Variants in LRRC19 observed in about 807,000 individuals in gnomAD.
LRRC19 encodes the protein leucine-rich repeat-containing protein 19.
LRRC19 carries 33 observed loss-of-function variants against 33.3 expected under a neutral mutation model. The ratio of observed to expected loss-of-function variants is 0.99; its 90% CI spans 0.75 to 1.33. The LOEUF (loss-of-function observed/expected upper bound fraction) is 1.33, where lower values mean the gene tolerates loss of function less well. Among genes scored for constraint, LRRC19 ranks in the 40% most tolerant of loss-of-function variants. LRRC19 has a pLI of 0.00. For synonymous variants in LRRC19, 184 were observed against 152.3 expected (o/e 1.21, Z -1.53); for missense variants, 463 against 417.3 (o/e 1.11, Z -0.95).
At chr9:26,997,027 A>G (rs989900285) in intron 3 of LRRC19, among the ~76,000 whole-genome samples, 3 of 152,028 alleles carry the variant, frequency 2.0e-5, no homozygotes, top group Admixed American at 1.3e-4. Context: ...CCTGACAAAC[A>G]TGGAGGAAGC....
At chr9:26,997,292 T>C in intron 3 of LRRC19, among the ~76,000 whole-genome samples, 1 of 152,082 alleles carries the variant, frequency 6.6e-6, no homozygotes, top group Non-Finnish European at 1.5e-5. Flanking sequence ...TTTTTAGTGT[T>C]TCTTCCTGTT....
Position 26,998,206 on chromosome 9 carries a change from G to T in LRRC19, c.117C>A (p.Thr39=). 1 of 1,502,724 alleles carries T rather than the reference G, an allele frequency of 6.7e-7. No individual in the cohort carries two copies. Among genetic ancestry groups the T allele is most frequent in the Non-Finnish European group, 8.9e-7 (1 of 1,119,094 alleles). The allele number at this position is 1,502,724 out of a possible 1,614,324, so 93.1% of individuals were successfully genotyped here. The change falls in exon 3 of 5, where the codon ACC becomes ACA. Residue 39 remains threonine, a synonymous_variant. Coordinates refer to ENST00000380055, the MANE Select transcript of LRRC19 (RefSeq NM_022901.3). ...CTTTCTTGATATCTGCTGGAATCAA[G>T]GTATAATTTTTTTCAGTAAAATTAC... is the stretch of plus-strand genomic sequence containing the variant. The part of the protein sequence containing the change: ...VQCNFTEKNY[T]LIPADIKKDV...
At chr9:26,997,296 T>G (rs1828209468) in intron 3 of LRRC19, among the ~76,000 whole-genome samples, 1 of 151,870 alleles carries the variant, frequency 6.6e-6, no homozygotes, top group Non-Finnish European at 1.5e-5. Context: ...TAGTGTTTCT[T>G]CCTGTTTTGC....
At chr9:27,002,137 C>CT (rs1054114518) in intron 1 of LRRC19, among the ~76,000 whole-genome samples, 1 of 152,086 alleles carries the variant, frequency 6.6e-6, no homozygotes. Context: ...ACAACCAGAT[C>CT]TTTTTTTCTT....
chr9:26,997,671 C>T, intron 3 of LRRC19, 57 bp downstream of exon 3: 1 of 1,510,330 alleles, frequency 6.6e-7, no homozygotes, highest in South Asian at 1.4e-5. Flanking sequence ...AGAGATTTTT[C>T]TGTGGTGGAA....
Position 27,005,355 on chromosome 9 carries a change from C to G in LRRC19, c.-10+237G>C, listed in dbSNP as rs796641024. On this transcript the variant is annotated intron_variant, in intron 1 of 4. Transcript: ENST00000380055. Reference sequence around the variant, plus strand: ...TGATTGGCTAGATGAAACCATTTCCCCCCCCGCCCCCCGCAAAACAATTAC... The same window carrying G: ...TGATTGGCTAGATGAAACCATTTCCGCCCCCGCCCCCCGCAAAACAATTAC... Among the ~76,000 whole-genome samples the G allele has an allele frequency of 8.5e-4, 35 of 40,968 alleles. 4 individuals carry two copies. The East Asian group carries it at 0.047, about 55-fold the overall frequency. The allele number at this position is 40,968 out of a possible 152,430, so 26.9% of individuals were successfully genotyped here.
chr9:27,005,436 T>C (rs1828725812), intron 1 of LRRC19, among the ~76,000 whole-genome samples, 156 bp downstream of exon 1: 1 of 141,478 alleles, frequency 7.1e-6, no homozygotes, highest in Non-Finnish European at 1.5e-5. Flanking sequence ...GTCTCAGGTA[T>C]ATAGTATTTT....
chr9:26,999,761 C>G, intron 1 of LRRC19, 58 bp from the exon 2 acceptor site: 2 of 638,296 alleles, frequency 3.1e-6, no homozygotes, highest in Non-Finnish European at 4.8e-6. Flanking sequence ...TCTTTTGAAT[C>G]TGTTTATTCT....
intron 3 of LRRC19, among the ~76,000 whole-genome samples, chr9:26,997,191 A>G (rs1011143934): frequency 1.3e-5 from 2 of 150,896 alleles, no homozygotes; most frequent in African/African-American, 2.4e-5. Flanking sequence ...CAGCCTGGGT[A>G]ATAATAACAA....
chr9:27,002,423 G>A (rs1828548584), intron 1 of LRRC19, among the ~76,000 whole-genome samples: 1 of 152,212 alleles, frequency 6.6e-6, no homozygotes, highest in African/African-American at 2.4e-5. Flanking sequence ...CAGTTTTATA[G>A]TTTGAGGTCT....
In LRRC19 at chr9:26,997,978, A is replaced by G. The variant is rs758721283; in HGVS notation, c.345T>C (p.Gly115=). 15 of 1,613,936 alleles carry G rather than the reference A, an allele frequency of 9.3e-6. No homozygotes were observed. The highest frequency in any genetic ancestry group is 1.3e-5 in the Non-Finnish European group (15 of 1,179,948). ...TTAGTTTATTTAAGCCTAAAAATGC[A>G]CCCTGTTGAATTACATAGATGGAGT... ...CRNSIYVIQQ[G]AFLGLNKLKQ... Residue 115 remains glycine (G), a synonymous_variant, in exon 3 of 5, where the codon GGT becomes GGC. Coordinates refer to ENST00000380055, the MANE Select transcript of LRRC19 (RefSeq NM_022901.3).
At chr9:27,001,564 G>A (rs1360638173) in intron 1 of LRRC19, among the ~76,000 whole-genome samples, 1 of 151,998 alleles carries the variant, frequency 6.6e-6, no homozygotes, top group East Asian at 1.9e-4. Flanking sequence ...GATTACTGAT[G>A]TTGAGCATTT....
chr9:26,997,976 G>T lies in LRRC19; in HGVS notation c.347C>A (p.Ala116Glu). Residue 116 changes from alanine (A) to glutamate (E), a missense_variant, in exon 3 of 5, where the codon GCA (alanine) becomes GAA (glutamate). Transcript: ENST00000380055. ...RNSIYVIQQG[A>E]FLGLNKLKQL... The stretch of plus-strand genomic sequence containing the variant: ...TTTTAGTTTATTTAAGCCTAAAAAT[G>T]CACCCTGTTGAATTACATAGATGGA... 6.2e-7 allele frequency: 1 copy of T among 1,613,882 alleles called. No individual in the cohort carries two copies. The highest frequency in any genetic ancestry group is 8.5e-7 in the Non-Finnish European group (1 of 1,179,936).
intron 1 of LRRC19, among the ~76,000 whole-genome samples, chr9:27,000,354 C>T (rs1338529752): frequency 1.3e-5 from 2 of 152,042 alleles, no homozygotes; most frequent in Non-Finnish European, 2.9e-5. Context: ...TATATTTATG[C>T]ATGTTTAAGT....
At chr9:27,003,360 T>C (rs1050101041) in intron 1 of LRRC19, among the ~76,000 whole-genome samples, 2 of 152,040 alleles carry the variant, frequency 1.3e-5, no homozygotes, top group African/African-American at 4.8e-5. Context: ...TCATCTCTAC[T>C]ACAATTACAA....
At chr9:27,004,551 T>C (rs972413349) in intron 1 of LRRC19, among the ~76,000 whole-genome samples, 2 of 152,174 alleles carry the variant, frequency 1.3e-5, no homozygotes, top group African/African-American at 4.8e-5. Context: ...TTGGGTGTCT[T>C]TAAAAAAAGA....
chr9:26,998,315 G>A (rs1373748543), intron 2 of LRRC19, 74 bp from the exon 3 acceptor site: 1 of 920,846 alleles, frequency 1.1e-6, no homozygotes, highest in African/African-American at 1.7e-5. Context: ...TCATATTTAA[G>A]CACTTAGACA....
intron 1 of LRRC19, among the ~76,000 whole-genome samples, chr9:27,002,300 A>G (rs1005020103): frequency 6.6e-6 from 1 of 152,198 alleles, no homozygotes; most frequent in Non-Finnish European, 1.5e-5. Flanking sequence ...ATGCGGGTCC[A>G]TGTGAAGAGA....
intron 1 of LRRC19, among the ~76,000 whole-genome samples, chr9:27,000,224 A>G (rs1828404753): frequency 6.6e-6 from 1 of 152,188 alleles, no homozygotes; most frequent in Admixed American, 6.5e-5. Flanking sequence ...GAGAAAATTA[A>G]TATTTTTAAG....
Sources: allele counts gnomAD v4.1 joint callset (sites outside exome capture counted in the v4.1 genomes callset), GRCh38; gene constraint gnomAD v4.1.1; transcripts MANE v1.5; gene names NCBI Gene and HGNC (gene_info 2026-07-23, HGNC 2026-07-21).